TMEM178B: variants seen among roughly 807,000 people sequenced by gnomAD.
TMEM178B encodes the protein transmembrane protein 178B.
TMEM178B carries 5 observed loss-of-function variants against 31.0 expected under a neutral mutation model. The observed-to-expected ratio is 0.16, with a 90% CI of 0.08 to 0.34. TMEM178B has a LOEUF of 0.34. Ranked by LOEUF, TMEM178B falls within the 10% of genes least tolerant of loss-of-function variation. The pLI, the probability that TMEM178B is intolerant of heterozygous loss-of-function variation, is 1.00. For synonymous variants in TMEM178B, 164 were observed against 164.0 expected, an observed-to-expected ratio of 1.00 and a Z score of 0.00; for missense variants, 275 against 400.3, an observed-to-expected ratio of 0.69 and a Z score of 2.67.
At chr7:141,377,369 G>C (rs1800235549) in intron 2 of TMEM178B, among the ~76,000 whole-genome samples, 1 of 151,672 alleles carries the variant, frequency 6.6e-6, no homozygotes, top group East Asian at 2.0e-4. Flanking sequence ...TTTTTAGCAG[G>C]GACGGGGTTT....
chr7:141,270,393 A>C (rs1222868445), intron 2 of TMEM178B, among the ~76,000 whole-genome samples: 1 of 152,058 alleles, frequency 6.6e-6, no homozygotes, highest in Non-Finnish European at 1.5e-5. Flanking sequence ...TCCTGGGTTC[A>C]AGCAATTCTC....
Position 141,171,096 on chromosome 7 carries a change from G to A in TMEM178B, c.383-41495G>A, listed in dbSNP as rs1796343505. Among the ~76,000 whole-genome samples the A allele has an allele frequency of 6.6e-6, 1 of 151,384 alleles. No individual in the cohort carries two copies. Among genetic ancestry groups the A allele is most frequent in the South Asian group, 2.1e-4 (1 of 4,800 alleles). The stretch of plus-strand genomic sequence containing the variant: ...ATATAAATTAAAATAAATACTTGAA[G>A]TGTAACTCTTCACTTTTGAATCTTC... On this transcript the variant is annotated intron_variant, in intron 1 of 3. Coordinates refer to ENST00000565468, the MANE Select transcript of TMEM178B (RefSeq NM_001195278.2). The surrounding 1 kb of genome is among the most constrained non-coding windows in gnomAD (Gnocchi z 4.3).
chr7:141,384,286 C>A (rs1187813925), intron 2 of TMEM178B, among the ~76,000 whole-genome samples: 5 of 152,136 alleles, frequency 3.3e-5, no homozygotes, highest in Non-Finnish European at 7.3e-5. Context: ...GACATGAAGT[C>A]CTTGCCCACG....
chr7:141,502,264 CA>C, the TMEM178B span, among the ~76,000 whole-genome samples: 1 of 127,406 alleles, frequency 7.8e-6, no homozygotes. Context: ...GTCTTGTCCC[CA>C]CTCTCATATC....
At chr7:141,391,720 A>G (rs2116605322) in intron 2 of TMEM178B, among the ~76,000 whole-genome samples, 1 of 148,360 alleles carries the variant, frequency 6.7e-6, no homozygotes, top group South Asian at 2.2e-4. Flanking sequence ...GGTAACCCCC[A>G]CTCTACTTTC....
In TMEM178B at chr7:141,422,814, C is replaced by T. The variant is rs147056002; in HGVS notation, c.497-14794C>T. 1.4e-4 allele frequency among the ~76,000 whole-genome samples: 22 copies of T among 152,224 alleles called. No homozygotes were observed. The highest frequency in any genetic ancestry group is 4.3e-4 in the African/African-American group (18 of 41,514). ...GAAACTGTCACTCACCAACCTTCTG[C>T]GTCCATCTCCTGGTCTCTTGTTATA... is the stretch of plus-strand genomic sequence containing the variant. On this transcript the variant is annotated intron_variant, in intron 2 of 3. Coordinates refer to ENST00000565468, the MANE Select transcript of TMEM178B (RefSeq NM_001195278.2). The surrounding 1 kb of genome is among the most constrained non-coding windows in gnomAD (Gnocchi z 4.2).
At chr7:141,384,493 T>A (rs918239559) in intron 2 of TMEM178B, among the ~76,000 whole-genome samples, 4 of 152,242 alleles carry the variant, frequency 2.6e-5, no homozygotes, top group African/African-American at 7.2e-5. Context: ...CATTTCTTGT[T>A]TTTGTCAGGT....
rs191248393 is a variant in TMEM178B at position 141,338,091 on chromosome 7, C to G, written c.497-99517C>G. Among the ~76,000 whole-genome samples the G allele has an allele frequency of 1.6e-3, 246 of 152,298 alleles. 1 individual carries two copies. The Middle Eastern group carries it at 0.017, about 11-fold the overall frequency. On this transcript the variant is annotated intron_variant, in intron 2 of 3. Transcript: ENST00000565468. ...TGACCTCGTGATGCACCCACCTCGG[C>G]CTCCCAAAGTGCTGGGATTACAGGC...
At chr7:141,360,633 C>G (rs886678715) in intron 2 of TMEM178B, among the ~76,000 whole-genome samples, 11 of 152,216 alleles carry the variant, frequency 7.2e-5, no homozygotes, top group African/African-American at 2.4e-4. Flanking sequence ...TTTGCCCTCA[C>G]TAACTCTGTA....
intron 1 of TMEM178B, among the ~76,000 whole-genome samples, chr7:141,187,220 C>T (rs935516892): frequency 1.3e-5 from 2 of 150,730 alleles, no homozygotes; most frequent in East Asian, 2.0e-4. Flanking sequence ...TGATAGTTTG[C>T]TGAGAATGAT....
intron 1 of TMEM178B, among the ~76,000 whole-genome samples, chr7:141,129,320 A>T (rs1337181451): frequency 6.6e-6 from 1 of 152,244 alleles, no homozygotes; most frequent in Non-Finnish European, 1.5e-5. Flanking sequence ...AGAAATATTC[A>T]TATTCCCATA....
chr7:141,449,387 G>A (rs1324763904), intron 3 of TMEM178B, among the ~76,000 whole-genome samples: 2 of 152,112 alleles, frequency 1.3e-5, no homozygotes, highest in African/African-American at 4.8e-5. Flanking sequence ...CAGGTTGAGA[G>A]TAGAGGGGTT....
At chr7:141,098,068 A>T (rs919329458) in intron 1 of TMEM178B, among the ~76,000 whole-genome samples, 2 of 152,168 alleles carry the variant, frequency 1.3e-5, no homozygotes, top group African/African-American at 4.8e-5. Context: ...CTAAGATTAC[A>T]GGCATAAGCC....
chr7:141,269,452 T>A (rs547614140), intron 2 of TMEM178B, among the ~76,000 whole-genome samples: 19 of 152,308 alleles, frequency 1.2e-4, no homozygotes, highest in African/African-American at 4.6e-4. Context: ...CAGTTAATAA[T>A]GTAAAAAAGA....
rs187613159 is a variant in TMEM178B at position 141,213,384 on chromosome 7, C to T, written c.496+680C>T. ...TTTGTTGGCTATTTTTACTTTTCTG[C>T]GCCATTGGGATACATTGCTTGTCTG... is the stretch of plus-strand genomic sequence containing the variant. On this transcript the variant is annotated intron_variant, in intron 2 of 3. Transcript: ENST00000565468. Among the ~76,000 whole-genome samples the T allele has an allele frequency of 5.9e-5, 9 of 152,292 alleles. No individual in the cohort carries two copies. In the East Asian group the frequency reaches 9.6e-4, roughly 16 times the overall value.
intron 2 of TMEM178B, among the ~76,000 whole-genome samples, chr7:141,214,256 G>A (rs929505504): frequency 8.5e-5 from 13 of 152,126 alleles, no homozygotes; most frequent in Non-Finnish European, 1.5e-4. Context: ...TATGGGGGTC[G>A]TAATAGGATT....
intron 3 of TMEM178B, among the ~76,000 whole-genome samples, chr7:141,454,449 G>A (rs934817849): frequency 5.3e-5 from 8 of 152,240 alleles, no homozygotes; most frequent in African/African-American, 1.9e-4. Context: ...CCTTGCTCAC[G>A]TCTCCATGTG....
chr7:141,158,668 G>A (rs1197760906), intron 1 of TMEM178B, among the ~76,000 whole-genome samples: 1 of 152,162 alleles, frequency 6.6e-6, no homozygotes, highest in Non-Finnish European at 1.5e-5. Context: ...TCTGCCTGGA[G>A]CCCAGCTGGG....
chr7:141,413,135 A>T (rs1801026500), intron 2 of TMEM178B, among the ~76,000 whole-genome samples: 1 of 152,218 alleles, frequency 6.6e-6, no homozygotes, highest in Non-Finnish European at 1.5e-5. Flanking sequence ...CGCCACTCAC[A>T]GTGCCATGTG....
Sources: gnomAD v4.1 joint callset for allele counts (sites outside exome capture counted in the v4.1 genomes callset) on GRCh38, gnomAD v4.1.1 for gene constraint, Gnocchi (gnomAD v3.1) non-coding constraint, MANE v1.5 for transcripts, NCBI Gene and HGNC (gene_info 2026-07-23, HGNC 2026-07-21) for gene names.